The following SVIL variants were observed in gnomAD, a reference collection of about 807,000 sequenced individuals.
The protein encoded by SVIL is supervillin.
In SVIL, 101 loss-of-function variants were observed where a neutral mutation model predicts 240.4. The observed-to-expected ratio is 0.42, with a 90% CI of 0.36 to 0.50. The LOEUF is 0.50. SVIL is among the 20% of genes least tolerant of loss of function. The pLI is 0.01. For missense variants in SVIL, 2,512 were observed against 2,818.7 expected, an observed-to-expected ratio of 0.89 and a Z score of 2.46; for synonymous variants, 999 against 1,100.0, an observed-to-expected ratio of 0.91 and a Z score of 1.82.
At chr10:29,702,811 C>T (rs1023226945) in intron 1 of SVIL, among the ~76,000 whole-genome samples, 2 of 152,172 alleles carry the variant, frequency 1.3e-5, no homozygotes, top group Non-Finnish European at 2.9e-5. Flanking sequence ...AAACTCTCAA[C>T]ACTCAGCCCA....
chr10:29,645,452 C>T (rs1216023036), intron 3 of SVIL, among the ~76,000 whole-genome samples: 1 of 152,042 alleles, frequency 6.6e-6, no homozygotes, highest in Non-Finnish European at 1.5e-5. Flanking sequence ...CTCTTGTAGT[C>T]CAAACTACTC....
chr10:29,696,150 C>T (rs1244560564), intron 1 of SVIL, among the ~76,000 whole-genome samples: 4 of 151,834 alleles, frequency 2.6e-5, no homozygotes, highest in Admixed American at 2.0e-4. Context: ...GACGGGGTTT[C>T]GCTGTGTTGG....
intron 8 of SVIL, 41 bp from the exon 9 acceptor site, chr10:29,532,213 G>A (rs200741535): frequency 2.1e-5 from 33 of 1,594,798 alleles, no homozygotes; most frequent in East Asian, 8.9e-5. Flanking sequence ...GAAGGCAAAC[G>A]AAGACAGAGA....
At chr10:29,508,077 C>G (rs1183319045) in intron 17 of SVIL, 3 of 276,756 alleles carry the variant, frequency 1.1e-5, no homozygotes, top group East Asian at 9.1e-5. Flanking sequence ...TTGTCAGTTA[C>G]AGAGAGAGGA....
At chr10:29,732,622 T>C (rs1368786687) in intron 1 of SVIL, among the ~76,000 whole-genome samples, 1 of 152,210 alleles carries the variant, frequency 6.6e-6, no homozygotes, top group African/African-American at 2.4e-5. Flanking sequence ...TTTAAGGAAA[T>C]ATTTTTGAAA....
At chr10:29,553,578 T>C (rs1255037075) in intron 5 of SVIL, among the ~76,000 whole-genome samples, 1 of 151,508 alleles carries the variant, frequency 6.6e-6, no homozygotes, top group Non-Finnish European at 1.5e-5. Flanking sequence ...CAAAACTCCA[T>C]CTCCAAAAAT....
chr10:29,486,353 A>C, intron 25 of SVIL, 57 bp downstream of exon 25: 2 of 1,605,690 alleles, frequency 1.2e-6, no homozygotes, highest in Non-Finnish European at 1.7e-6. Context: ...GAATGAGCTA[A>C]GGGAGAAGAA....
intron 1 of SVIL, among the ~76,000 whole-genome samples, chr10:29,687,378 A>C (rs1483678651): frequency 6.6e-6 from 1 of 152,180 alleles, no homozygotes. Context: ...TTTACTGGGC[A>C]CTAAATAAAA....
intron 2 of SVIL, among the ~76,000 whole-genome samples, chr10:29,566,706 A>G (rs1320224670): frequency 2.0e-5 from 3 of 152,180 alleles, no homozygotes; most frequent in Admixed American, 6.6e-5. Flanking sequence ...GTGAGGGTCC[A>G]GACTCTTCTC....
intron 1 of SVIL, among the ~76,000 whole-genome samples, chr10:29,729,329 G>T (rs1374144951): frequency 6.6e-6 from 1 of 151,994 alleles, no homozygotes; most frequent in Admixed American, 6.6e-5. Flanking sequence ...AGCATCCCAA[G>T]ACATTAAGCA....
At chr10:29,490,254 T>C (rs1947817283) in intron 22 of SVIL, among the ~76,000 whole-genome samples, 1 of 152,072 alleles carries the variant, frequency 6.6e-6, no homozygotes, top group African/African-American at 2.4e-5. Context: ...AATATAAAAA[T>C]CTAGGATTAG....
intron 2 of SVIL, among the ~76,000 whole-genome samples, 189 bp downstream of exon 2, chr10:29,569,066 C>T (rs1267631718): frequency 6.6e-6 from 1 of 152,182 alleles, no homozygotes; most frequent in African/African-American, 2.4e-5. Flanking sequence ...ATTCTGTTCT[C>T]CAAATAGTTT....
intron 6 of SVIL, among the ~76,000 whole-genome samples, chr10:29,538,812 G>A (rs1728188474): frequency 6.6e-6 from 1 of 152,192 alleles, no homozygotes; most frequent in Non-Finnish European, 1.5e-5. Flanking sequence ...TTATTGGGAT[G>A]CGACCCCATT....
At chr10:29,645,849 T>C (rs1186817468) in intron 3 of SVIL, among the ~76,000 whole-genome samples, 1 of 152,236 alleles carries the variant, frequency 6.6e-6, no homozygotes, top group Non-Finnish European at 1.5e-5. Flanking sequence ...AGATGGCTGG[T>C]AATCTCGTTA....
intron 1 of SVIL, among the ~76,000 whole-genome samples, chr10:29,696,336 C>G (rs188607745): frequency 0.13 from 19,317 of 152,072 alleles, 1,433 homozygotes; most frequent in Admixed American, 0.21. Context: ...CCTTGGCCCC[C>G]CAAAGTGCGG....
At chr10:29,508,537 C>A (rs1026799669) in intron 17 of SVIL, 6 of 486,142 alleles carry the variant, frequency 1.2e-5, no homozygotes. Flanking sequence ...GAACCTCAGG[C>A]CAACTCATTC....
rs550536736 is a variant in SVIL, at chr10:29,519,429, A to G, written c.3389+2981T>C. Among the ~76,000 whole-genome samples the G allele has an allele frequency of 6.6e-5, 10 of 152,336 alleles. No homozygotes were observed. The East Asian group carries it at 7.7e-4, about 12-fold the overall frequency. On this transcript the variant is annotated intron_variant, in intron 16 of 37. Coordinates refer to ENST00000355867, the MANE Select transcript of SVIL (RefSeq NM_021738.3). ...GGTTAGAATAAAGTTTGGAAGTCCT[A>G]TGATTTTATATATTTCTTTCTCAAG...
Position 29,489,306 on chromosome 10 carries a change from C to T in SVIL, c.4193-550G>A, listed in dbSNP as rs547734127. ...AGACTGTAGTTATAAGATGGGTTTT[C>T]ACTGCAAAACAGCAAACATCTATAG... On this transcript the variant is annotated intron_variant, in intron 22 of 37. Transcript: ENST00000355867. 1.9e-3 allele frequency among the ~76,000 whole-genome samples: 289 copies of T among 152,318 alleles called. 3 individuals are homozygous for T. In the Middle Eastern group the frequency reaches 0.034, roughly 18 times the overall value.
chr10:29,666,475 G>A (rs572535780), intron 2 of SVIL, among the ~76,000 whole-genome samples: 4 of 152,282 alleles, frequency 2.6e-5, no homozygotes, highest in South Asian at 4.1e-4. Context: ...CTGGAAAGAC[G>A]TGATAGGGAT....
Sources: allele counts gnomAD v4.1 joint callset (sites outside exome capture counted in the v4.1 genomes callset), GRCh38; gene constraint gnomAD v4.1.1; transcripts MANE v1.5; gene names NCBI Gene and HGNC (gene_info 2026-07-23, HGNC 2026-07-21).